The following PARPBP variants were observed in gnomAD, a reference collection of about 807,000 sequenced individuals.
PARPBP encodes the protein PCNA-interacting partner.
PARPBP carries 52 observed loss-of-function variants against 50.0 expected under a neutral mutation model. That is an observed-to-expected ratio of 1.04 (90% confidence interval 0.83 to 1.31). The LOEUF is 1.31. Ranked by LOEUF, PARPBP falls within the 50% of genes most tolerant of loss-of-function variation. PARPBP has a pLI of 0.00. For missense variants in PARPBP, 697 were observed against 672.0 expected (o/e 1.04, Z -0.41); for synonymous variants, 244 against 232.1 (o/e 1.05, Z -0.47).
At chr12:102,175,903 T>C (rs1889227852) in intron 7 of PARPBP, among the ~76,000 whole-genome samples, 1 of 152,132 alleles carries the variant, frequency 6.6e-6, no homozygotes, top group African/African-American at 2.4e-5. Context: ...CATAGGGTAA[T>C]CTCTGGTATC....
chr12:102,176,140 G>A (rs1889253824), intron 7 of PARPBP, among the ~76,000 whole-genome samples: 1 of 151,880 alleles, frequency 6.6e-6, no homozygotes, highest in Admixed American at 6.6e-5. Flanking sequence ...CTGCCACCAT[G>A]CCTGGCTAAT....
chr12:102,178,603 T>C lies in PARPBP; in HGVS notation c.1017T>C (p.His339=). 1 of 1,573,536 alleles carries C rather than the reference T, an allele frequency of 6.4e-7. No individual in the cohort carries two copies. Among genetic ancestry groups the C allele is most frequent in the Non-Finnish European group, 8.6e-7 (1 of 1,160,854 alleles). ...TDISPARPKS[H]AINHGTAYCG... is the part of the protein sequence containing the mutation. Reference sequence around the variant, plus strand: ...ATTTTTTGTCTCAGCCAAAATCTCATGCCATAAACCATGGTACTGCATACT... The same window carrying C: ...ATTTTTTGTCTCAGCCAAAATCTCACGCCATAAACCATGGTACTGCATACT... Residue 339 remains histidine (H), a synonymous_variant, in exon 8 of 11, where the codon CAT becomes CAC. Coordinates refer to ENST00000327680, the MANE Select transcript of PARPBP (RefSeq NM_017915.5).
chr12:102,142,076 A>T (rs541838118), intron 2 of PARPBP, among the ~76,000 whole-genome samples: 1 of 152,244 alleles, frequency 6.6e-6, no homozygotes, highest in African/African-American at 2.4e-5. Context: ...TATCCTGCAG[A>T]GTGTTTTCCA....
intron 4 of PARPBP, among the ~76,000 whole-genome samples, chr12:102,163,448 T>G (rs1206161694): frequency 6.6e-6 from 1 of 152,206 alleles, no homozygotes; most frequent in Non-Finnish European, 1.5e-5. Flanking sequence ...TTTTCCTACT[T>G]AAATAGCTTA....
intron 4 of PARPBP, among the ~76,000 whole-genome samples, chr12:102,160,624 A>G (rs1269207293): frequency 6.6e-6 from 1 of 152,268 alleles, no homozygotes; most frequent in Non-Finnish European, 1.5e-5. Context: ...ATTGTGATTT[A>G]CTGTGAAAGT....
At chr12:102,169,815 T>G (rs2136377249) in intron 6 of PARPBP, among the ~76,000 whole-genome samples, 1 of 152,300 alleles carries the variant, frequency 6.6e-6, no homozygotes, top group East Asian at 1.9e-4. Context: ...GGAACCTCAA[T>G]ATGATACACA....
At chr12:102,149,991 C>G (rs1424784315) in intron 3 of PARPBP, among the ~76,000 whole-genome samples, 1 of 152,120 alleles carries the variant, frequency 6.6e-6, no homozygotes, top group Non-Finnish European at 1.5e-5. Flanking sequence ...TATAATCTAC[C>G]TGAGGTCTTT....
intron 3 of PARPBP, among the ~76,000 whole-genome samples, chr12:102,151,386 TTTAAC>T (rs1374571834): frequency 6.6e-6 from 1 of 152,168 alleles, no homozygotes; most frequent in Non-Finnish European, 1.5e-5. Context: ...GGTTTTTGGC[TTTAAC>T]TTCTTTGTGA....
At chr12:102,142,943 A>T (rs1884843594) in intron 2 of PARPBP, among the ~76,000 whole-genome samples, 1 of 152,156 alleles carries the variant, frequency 6.6e-6, no homozygotes, top group South Asian at 2.1e-4. Context: ...GTGTTCAGGG[A>T]CCTACTTGAG....
chr12:102,155,503 A>T (rs1886750923), intron 4 of PARPBP, among the ~76,000 whole-genome samples: 1 of 149,438 alleles, frequency 6.7e-6, no homozygotes, highest in Non-Finnish European at 1.5e-5. Flanking sequence ...ACACTCAACC[A>T]ATCAGGTAGT....
chr12:102,180,242 C>T (rs1889695225), intron 8 of PARPBP, among the ~76,000 whole-genome samples: 1 of 152,126 alleles, frequency 6.6e-6, no homozygotes, highest in Admixed American at 6.6e-5. Context: ...AATAAATGAA[C>T]TTTTATTTTT....
chr12:102,178,827 G>C (rs1479415584), intron 8 of PARPBP, 57 bp downstream of exon 8: 3 of 1,141,764 alleles, frequency 2.6e-6, no homozygotes, highest in Non-Finnish European at 3.6e-6. Context: ...AATTATAAAA[G>C]AAATGTATGC....
At chr12:102,177,932 A>G (rs1889441362) in intron 7 of PARPBP, among the ~76,000 whole-genome samples, 1 of 152,178 alleles carries the variant, frequency 6.6e-6, no homozygotes, top group Non-Finnish European at 1.5e-5. Context: ...CTGTGGAATC[A>G]TCTTTGATGC....
intron 2 of PARPBP, among the ~76,000 whole-genome samples, chr12:102,137,895 A>G (rs1883903790): frequency 6.6e-6 from 1 of 152,130 alleles, no homozygotes; most frequent in South Asian, 2.1e-4. Context: ...TTCTTAATCC[A>G]GTCTATCATT....
At chr12:102,130,228 A>G (rs958016804) in intron 2 of PARPBP, among the ~76,000 whole-genome samples, 1 of 152,224 alleles carries the variant, frequency 6.6e-6, no homozygotes, top group Admixed American at 6.5e-5. Context: ...CTTAAACTAC[A>G]TACAAAAATC....
intron 2 of PARPBP, among the ~76,000 whole-genome samples, chr12:102,142,151 A>G (rs147662742): frequency 3.2e-4 from 49 of 152,278 alleles, no homozygotes; most frequent in African/African-American, 1.2e-3. Context: ...GTCTTTTCAT[A>G]TAGTCCCATA....
intron 2 of PARPBP, among the ~76,000 whole-genome samples, chr12:102,127,541 A>C (rs1882198137): frequency 6.6e-6 from 1 of 152,208 alleles, no homozygotes; most frequent in Admixed American, 6.5e-5. Context: ...GACAGCTACC[A>C]TGTTTAAAAA....
At chr12:102,154,033 AT>A in intron 4 of PARPBP, 57 bp downstream of exon 4, 1 of 1,042,820 alleles carries the variant, frequency 9.6e-7, no homozygotes, top group Non-Finnish European at 1.5e-6. Flanking sequence ...AAATCACTGA[AT>A]TTGGTGGTAC....
At chr12:102,130,284 C>A (rs1045381071) in intron 2 of PARPBP, among the ~76,000 whole-genome samples, 10 of 152,100 alleles carry the variant, frequency 6.6e-5, no homozygotes, top group Non-Finnish European at 1.5e-4. Context: ...ACTGGAAAAA[C>A]CCTGGAAGAC....
Sources: gnomAD v4.1 joint callset for allele counts (sites outside exome capture counted in the v4.1 genomes callset) on GRCh38, gnomAD v4.1.1 for gene constraint, MANE v1.5 for transcripts, NCBI Gene and HGNC (gene_info 2026-07-23, HGNC 2026-07-21) for gene names.